The following COL21A1 variants were observed in gnomAD, a reference collection of about 807,000 sequenced individuals.
COL21A1 encodes the protein collagen alpha-1(XXI) chain.
A neutral mutation model predicts 137.9 loss-of-function variants in COL21A1; 149 were observed. That is an observed-to-expected ratio of 1.08 (90% CI 0.95 to 1.24). The LOEUF is 1.24. Ranked by LOEUF, COL21A1 falls within the 50% of genes most tolerant of loss-of-function variation. The pLI is 0.00. For synonymous variants in COL21A1, 456 were observed against 391.5 expected (o/e 1.16, Z -1.95); for missense variants, 1,167 against 1,158.4 (o/e 1.01, Z -0.11).
intron 1 of COL21A1, among the ~76,000 whole-genome samples, chr6:56,384,358 ATACT>A (rs556486191): frequency 8.7e-4 from 132 of 152,276 alleles, no homozygotes; most frequent in Admixed American, 8.6e-3. Flanking sequence ...TCTACTTCAA[ATACT>A]TACATGTCTT....
At position 56,164,888 on chromosome 6, in the gene COL21A1, T is replaced by C. The variant is rs145470805; in HGVS notation, c.1279-66A>G. 27 of 1,195,130 alleles carry C rather than the reference T, an allele frequency of 2.3e-5. No homozygotes were observed. In the African/African-American group the frequency reaches 3.1e-4, roughly 14 times the overall value. The allele number at this position is 1,195,130 out of a possible 1,614,324, so 74.0% of individuals were successfully genotyped here. The stretch of plus-strand genomic sequence containing the variant: ...TAAAATTTATAAATTATCAGCCTAA[T>C]TTACAGATATTTCACCATCCAGATT... On this transcript the variant is annotated intron_variant, in intron 7 of 29. Coordinates refer to ENST00000244728, the MANE Select transcript of COL21A1 (RefSeq NM_030820.4).
At chr6:56,247,017 G>A (rs1344722446) in intron 1 of COL21A1, among the ~76,000 whole-genome samples, 1 of 152,140 alleles carries the variant, frequency 6.6e-6, no homozygotes, top group South Asian at 2.1e-4. Flanking sequence ...AGCTCTGCGC[G>A]CTCAGCGCCA....
intron 1 of COL21A1, among the ~76,000 whole-genome samples, chr6:56,352,574 G>C (rs749877542): frequency 1.3e-5 from 2 of 152,032 alleles, no homozygotes; most frequent in African/African-American, 2.4e-5. Flanking sequence ...TGAAGAAGGG[G>C]AGATTAAATG....
chr6:56,318,301 A>C (rs1582776867), intron 1 of COL21A1, among the ~76,000 whole-genome samples: 1 of 152,268 alleles, frequency 6.6e-6, no homozygotes, highest in East Asian at 1.9e-4. Context: ...GTGAAAGTGA[A>C]CATGGCTAAA....
intron 1 of COL21A1, among the ~76,000 whole-genome samples, chr6:56,351,234 G>A (rs986964678): frequency 6.6e-6 from 1 of 152,208 alleles, no homozygotes; most frequent in Non-Finnish European, 1.5e-5. Context: ...TTCTTTGAAG[G>A]CCACTGCCAA....
intron 1 of COL21A1, among the ~76,000 whole-genome samples, chr6:56,318,043 C>T (rs1208765723): frequency 6.6e-6 from 1 of 152,056 alleles, no homozygotes; most frequent in Middle Eastern, 3.2e-3. Context: ...AAAAGAAAAT[C>T]GGTTAGCACT....
At chr6:56,172,887 C>A (rs1186059862) in intron 3 of COL21A1, among the ~76,000 whole-genome samples, 2 of 151,006 alleles carry the variant, frequency 1.3e-5, no homozygotes, top group Non-Finnish European at 2.9e-5. Context: ...ATGATAACCT[C>A]AAAGAAAATA....
chr6:56,062,896 C>T (rs75007852), intron 24 of COL21A1, among the ~76,000 whole-genome samples: 10,182 of 152,212 alleles, frequency 0.067, 403 homozygotes, highest in Admixed American at 0.11. Flanking sequence ...CTAAAAAGAG[C>T]TGTCATCTGA....
chr6:56,232,926 T>C (rs1439517608), intron 1 of COL21A1, among the ~76,000 whole-genome samples: 1 of 151,854 alleles, frequency 6.6e-6, no homozygotes, highest in Non-Finnish European at 1.5e-5. Context: ...CCTATATTGC[T>C]GGGAAGATTA....
chr6:56,221,689 A>T (rs187809109), intron 1 of COL21A1, among the ~76,000 whole-genome samples: 1 of 152,252 alleles, frequency 6.6e-6, no homozygotes, highest in Admixed American at 6.5e-5. Context: ...ACACCACTGC[A>T]CTGAGTGACA....
At chr6:56,202,610 C>T (rs1423942427) in intron 1 of COL21A1, among the ~76,000 whole-genome samples, 2 of 152,162 alleles carry the variant, frequency 1.3e-5, no homozygotes, top group African/African-American at 4.8e-5. Context: ...TGGTATCCAC[C>T]TAAGTGATCT....
At chr6:56,270,837 C>T (rs114449699) in intron 1 of COL21A1, among the ~76,000 whole-genome samples, 8,600 of 152,256 alleles carry the variant, frequency 0.056, 291 homozygotes, top group African/African-American at 0.075. Context: ...AAGGTGCCTG[C>T]TTCCCCTTCA....
At chr6:56,069,615 T>C (rs1272142734) in intron 21 of COL21A1, among the ~76,000 whole-genome samples, 1 of 150,370 alleles carries the variant, frequency 6.7e-6, no homozygotes, top group African/African-American at 2.4e-5. Flanking sequence ...CTAACTCTAA[T>C]TCATAAACAC....
chr6:56,084,212 G>GAAA (rs754144759), intron 17 of COL21A1, among the ~76,000 whole-genome samples: 2 of 148,752 alleles, frequency 1.3e-5, no homozygotes, highest in East Asian at 2.0e-4. Flanking sequence ...TAAGTATGCA[G>GAAA]AAAAAATATA....
chr6:56,164,297 G>A (rs1445059515), intron 9 of COL21A1, 126 bp downstream of exon 9: 4 of 692,344 alleles, frequency 5.8e-6, no homozygotes, highest in Non-Finnish European at 9.9e-6. Context: ...TAAAACTGAG[G>A]TTTTAAACTC....
intron 1 of COL21A1, among the ~76,000 whole-genome samples, chr6:56,256,176 A>G (rs1274478586): frequency 6.6e-6 from 1 of 152,218 alleles, no homozygotes; most frequent in African/African-American, 2.4e-5. Flanking sequence ...GGCTAAAATT[A>G]CTAATTACTA....
At chr6:56,265,038 A>G (rs1375333067) in intron 1 of COL21A1, among the ~76,000 whole-genome samples, 1 of 152,228 alleles carries the variant, frequency 6.6e-6, no homozygotes, top group African/African-American at 2.4e-5. Context: ...ATCTCATTTC[A>G]CAGTAGATGC....
intron 9 of COL21A1, among the ~76,000 whole-genome samples, chr6:56,160,192 T>C (rs1776089268): frequency 1.3e-5 from 2 of 152,248 alleles, no homozygotes; most frequent in Admixed American, 1.3e-4. Flanking sequence ...GCCAATTTTA[T>C]TACTGTTAAT....
chr6:56,344,299 A>G (rs1765539253), intron 1 of COL21A1, among the ~76,000 whole-genome samples: 1 of 152,248 alleles, frequency 6.6e-6, no homozygotes, highest in African/African-American at 2.4e-5. Context: ...CTCTATTTCC[A>G]GAATTAATGT....
Sources: allele counts gnomAD v4.1 joint callset (sites outside exome capture counted in the v4.1 genomes callset), GRCh38; gene constraint gnomAD v4.1.1; transcripts MANE v1.5; gene names NCBI Gene and HGNC (gene_info 2026-07-23, HGNC 2026-07-21).